CDC14A: variants seen among roughly 807,000 people sequenced by gnomAD.
The protein encoded by CDC14A is dual specificity protein phosphatase CDC14A.
Under a neutral mutation model 74.4 loss-of-function variants are expected in CDC14A, and 53 were observed. That is an observed-to-expected ratio of 0.71 (90% CI 0.57 to 0.89). The LOEUF (loss-of-function observed/expected upper bound fraction) is 0.89, where lower values mean the gene tolerates loss of function less well. CDC14A is among the 40% of genes least tolerant of loss of function. The pLI, the probability that CDC14A is intolerant of heterozygous loss-of-function variation, is 0.00. For missense variants in CDC14A, 646 were observed against 713.7 expected (o/e 0.91, Z 1.08); for synonymous variants, 247 against 258.4 (o/e 0.96, Z 0.43).
intron 5 of CDC14A, among the ~76,000 whole-genome samples, chr1:100,427,272 T>C (rs1663071626): frequency 6.6e-6 from 1 of 152,210 alleles, no homozygotes; most frequent in Admixed American, 6.5e-5. Context: ...ATTGTTTTAT[T>C]ATTTAAAATT....
intron 4 of CDC14A, among the ~76,000 whole-genome samples, chr1:100,407,476 G>C (rs1276404179): frequency 6.6e-6 from 1 of 152,156 alleles, no homozygotes; most frequent in Non-Finnish European, 1.5e-5. Context: ...GCGAATTGGA[G>C]TTTATTCACT....
intron 10 of CDC14A, among the ~76,000 whole-genome samples, chr1:100,469,722 A>G (rs1174317757): frequency 1.3e-5 from 2 of 152,160 alleles, no homozygotes; most frequent in African/African-American, 4.8e-5. Context: ...TGCTAAGTAC[A>G]GCTCGCAAGG....
At chr1:100,378,299 T>C (rs1048493233) in intron 3 of CDC14A, among the ~76,000 whole-genome samples, 2 of 152,194 alleles carry the variant, frequency 1.3e-5, no homozygotes. Flanking sequence ...AGTAAACTTA[T>C]TTTATCACAC....
intron 2 of CDC14A, among the ~76,000 whole-genome samples, chr1:100,374,222 T>G (rs567031905): frequency 6.6e-6 from 1 of 152,298 alleles, no homozygotes; most frequent in South Asian, 2.1e-4. Context: ...ACATTTGGGT[T>G]GGTTCCAAGT....
intron 7 of CDC14A, among the ~76,000 whole-genome samples, chr1:100,445,616 T>C (rs1307495733): frequency 6.6e-6 from 1 of 152,180 alleles, no homozygotes; most frequent in Admixed American, 6.5e-5. Context: ...ATTCCTTCCT[T>C]CCTTCCTCTC....
chr1:100,368,478 G>A (rs1048715542), intron 2 of CDC14A, among the ~76,000 whole-genome samples: 32 of 152,228 alleles, frequency 2.1e-4, no homozygotes, highest in African/African-American at 7.5e-4. Flanking sequence ...AAAAGTACAT[G>A]TGGCTAAGCC....
intron 5 of CDC14A, among the ~76,000 whole-genome samples, chr1:100,427,093 C>T (rs925322215): frequency 2.0e-4 from 31 of 152,034 alleles, no homozygotes; most frequent in Admixed American, 1.8e-3. Flanking sequence ...GCCATCATTG[C>T]GTTGGCCTTC....
intron 4 of CDC14A, among the ~76,000 whole-genome samples, chr1:100,413,821 GA>G (rs1661183184): frequency 6.6e-6 from 1 of 152,194 alleles, no homozygotes; most frequent in Non-Finnish European, 1.5e-5. Context: ...AAATACTGAG[GA>G]AAGTTATGCA....
At chr1:100,408,003 A>G (rs1660173055) in intron 4 of CDC14A, among the ~76,000 whole-genome samples, 1 of 152,036 alleles carries the variant, frequency 6.6e-6, no homozygotes, top group Admixed American at 6.6e-5. Flanking sequence ...TGTACAGAAT[A>G]TTTAGTCACC....
At chr1:100,357,745 T>TAAAA (rs71310165) in intron 2 of CDC14A, among the ~76,000 whole-genome samples, 2 of 139,510 alleles carry the variant, frequency 1.4e-5, no homozygotes, top group Non-Finnish European at 3.1e-5. Flanking sequence ...CCCCATCTCT[T>TAAAA]AAAAAAAAAA....
intron 9 of CDC14A, among the ~76,000 whole-genome samples, chr1:100,467,255 T>C (rs1430613457): frequency 2.0e-5 from 3 of 152,196 alleles, no homozygotes; most frequent in African/African-American, 7.2e-5. Flanking sequence ...AAATGCTGTG[T>C]GCTCCCAATT....
intron 11 of CDC14A, among the ~76,000 whole-genome samples, chr1:100,491,538 C>CTG (rs1670627847): frequency 2.6e-5 from 1 of 38,552 alleles, no homozygotes; most frequent in South Asian, 9.5e-4. Flanking sequence ...CTCTCTCTCT[C>CTG]TCTCTCTCTC....
intron 2 of CDC14A, among the ~76,000 whole-genome samples, chr1:100,360,014 C>T (rs924459231): frequency 3.4e-5 from 5 of 148,960 alleles, no homozygotes; most frequent in Admixed American, 6.7e-5. Flanking sequence ...GCGATCTCAG[C>T]TCACTGTAAC....
chr1:100,417,342 C>T (rs1357526007), intron 4 of CDC14A, among the ~76,000 whole-genome samples: 1 of 152,170 alleles, frequency 6.6e-6, no homozygotes, highest in Non-Finnish European at 1.5e-5. Context: ...ATGGAGATTT[C>T]AGACTATCTC....
intron 15 of CDC14A, among the ~76,000 whole-genome samples, chr1:100,517,121 G>A (rs1650298039): frequency 6.6e-6 from 1 of 152,224 alleles, no homozygotes. Flanking sequence ...GACATACTGT[G>A]TTAACAGGGA....
chr1:100,439,803 T>C (rs1664728188), intron 5 of CDC14A, 129 bp from the exon 6 acceptor site: 2 of 655,084 alleles, frequency 3.1e-6, no homozygotes, highest in South Asian at 3.6e-5. Flanking sequence ...TCTAATGTAT[T>C]ATATAAGTTT....
At position 100,424,944 on chromosome 1, in the gene CDC14A, G is replaced by A. The variant is rs1383573930; in HGVS notation, c.389+643G>A. 4.6e-5 allele frequency among the ~76,000 whole-genome samples: 7 copies of A among 152,160 alleles called. No individual in the cohort carries two copies. The South Asian group carries it at 1.2e-3, about 27-fold the overall frequency. On this transcript the variant is annotated intron_variant, in intron 5 of 15. Coordinates refer to ENST00000336454, the MANE Select transcript of CDC14A (RefSeq NM_003672.4). Reference sequence around the variant, plus strand: ...GCACTTTGGGAGGCTGAGGCTGGTGGATAGCTTGAGCCCAGGAGTTCGAGA... The same window carrying A: ...GCACTTTGGGAGGCTGAGGCTGGTGAATAGCTTGAGCCCAGGAGTTCGAGA...
At chr1:100,511,332 T>C (rs1036187285) in intron 15 of CDC14A, among the ~76,000 whole-genome samples, 1 of 152,192 alleles carries the variant, frequency 6.6e-6, no homozygotes, top group Non-Finnish European at 1.5e-5. Flanking sequence ...TCTTTGATAC[T>C]CCTCCGCTCT....
At chr1:100,404,141 A>C (rs1659622758) in intron 4 of CDC14A, among the ~76,000 whole-genome samples, 1 of 151,920 alleles carries the variant, frequency 6.6e-6, no homozygotes, top group Non-Finnish European at 1.5e-5. Context: ...CAGTGAGCTG[A>C]GATAGCGCCA....
Sources: gnomAD v4.1 joint callset for allele counts (sites outside exome capture counted in the v4.1 genomes callset) on GRCh38, gnomAD v4.1.1 for gene constraint, MANE v1.5 for transcripts, NCBI Gene and HGNC (gene_info 2026-07-23, HGNC 2026-07-21) for gene names.